Variants in CEP76 observed in about 807,000 individuals in gnomAD.
CEP76 encodes the protein centrosomal protein of 76 kDa.
CEP76 carries 55 observed loss-of-function variants against 83.3 expected under a neutral mutation model. The observed-to-expected ratio is 0.66, with a 90% confidence interval of 0.53 to 0.83. The LOEUF is 0.83. Among genes scored for constraint, CEP76 ranks in the 40% least tolerant of loss-of-function variants. CEP76 has a pLI of 0.00. For missense variants in CEP76, 694 were observed against 799.5 expected, an observed-to-expected ratio of 0.87 and a Z score of 1.59; for synonymous variants, 270 against 274.5, an observed-to-expected ratio of 0.98 and a Z score of 0.16.
At chr18:12,702,049 C>G (rs920374531) in intron 1 of CEP76, among the ~76,000 whole-genome samples, 1 of 152,180 alleles carries the variant, frequency 6.6e-6, no homozygotes, top group African/African-American at 2.4e-5. Context: ...TCGCTTAAAC[C>G]TGGGAGGCGG....
chr18:12,693,407 G>T lies in CEP76; in HGVS notation c.804+1847C>A, dbSNP rs551813350. ...CCACTGCACTCAAGCCTGAGAGAGTGAGATGCTGTCTCTAAAAAAATAAAA... is the reference window on the plus strand; with the variant it reads ...CCACTGCACTCAAGCCTGAGAGAGTTAGATGCTGTCTCTAAAAAAATAAAA... On this transcript the variant is annotated intron_variant, in intron 6 of 11. Coordinates refer to ENST00000262127, the MANE Select transcript of CEP76 (RefSeq NM_024899.4). 3.3e-5 allele frequency among the ~76,000 whole-genome samples: 5 copies of T among 151,818 alleles called. No individual in the cohort carries two copies. In the South Asian group the frequency reaches 8.3e-4, roughly 25 times the overall value.
At chr18:12,690,448 CCA>C (rs1188410749) in intron 7 of CEP76, among the ~76,000 whole-genome samples, 2 of 151,550 alleles carry the variant, frequency 1.3e-5, no homozygotes, top group Non-Finnish European at 2.9e-5. Flanking sequence ...GTGAACCTGA[CCA>C]CATTTTTTGT....
intron 8 of CEP76, among the ~76,000 whole-genome samples, chr18:12,683,117 G>A (rs760962383): frequency 8.7e-5 from 13 of 149,406 alleles, no homozygotes; most frequent in Non-Finnish European, 1.5e-4. Flanking sequence ...AGGCTGAAGC[G>A]GGCAGATCAC....
chr18:12,668,320 C>T (rs1202168508), downstream of CEP76, among the ~76,000 whole-genome samples: 2 of 151,186 alleles, frequency 1.3e-5, no homozygotes, highest in Non-Finnish European at 2.9e-5. Flanking sequence ...GGCTGGGTGC[C>T]GTCGCAGATG....
At chr18:12,693,614 C>T (rs1248823686) in intron 6 of CEP76, among the ~76,000 whole-genome samples, 1 of 152,042 alleles carries the variant, frequency 6.6e-6, no homozygotes, top group Non-Finnish European at 1.5e-5. Context: ...GAAACCCTGT[C>T]TCTATTAAAA....
chr18:12,676,959 T>G (rs1336881132), intron 10 of CEP76, among the ~76,000 whole-genome samples: 1 of 152,112 alleles, frequency 6.6e-6, no homozygotes, highest in African/African-American at 2.4e-5. Context: ...CAGAAATATT[T>G]TGTAGGCATT....
intron 6 of CEP76, among the ~76,000 whole-genome samples, chr18:12,694,909 G>A (rs2039896053): frequency 6.6e-6 from 1 of 151,480 alleles, no homozygotes. Context: ...TAGAGGCGGG[G>A]TTTCACCGTG....
chr18:12,694,871 C>T (rs1330536962), intron 6 of CEP76, among the ~76,000 whole-genome samples: 3 of 151,772 alleles, frequency 2.0e-5, no homozygotes, highest in East Asian at 1.9e-4. Context: ...CCACCACGCC[C>T]GGCTATTTTT....
At chr18:12,699,748 T>A in intron 3 of CEP76, 82 bp downstream of exon 3, 1 of 756,792 alleles carries the variant, frequency 1.3e-6, no homozygotes, top group Non-Finnish European at 2.0e-6. Context: ...AAAATGGAAA[T>A]GTCTTCTATC....
intron 5 of CEP76, among the ~76,000 whole-genome samples, chr18:12,696,461 G>A (rs2039961891): frequency 6.6e-6 from 1 of 151,920 alleles, no homozygotes; most frequent in Admixed American, 6.6e-5. Flanking sequence ...CGAGATTGCA[G>A]CACTGCACTC....
chr18:12,663,886 T>C (rs1480372704), intron 12 of CEP76, among the ~76,000 whole-genome samples: 2 of 152,176 alleles, frequency 1.3e-5, no homozygotes, highest in Non-Finnish European at 2.9e-5. Flanking sequence ...TCCTCCCAGC[T>C]GGGCACAGTG....
At chr18:12,674,494 G>C in intron 11 of CEP76, 42 bp downstream of exon 11, 1 of 1,418,520 alleles carries the variant, frequency 7.0e-7, no homozygotes. Flanking sequence ...TGATCTGTAA[G>C]ACTCCTAAAC....
chr18:12,689,702 G>C (rs1305738385), intron 7 of CEP76, among the ~76,000 whole-genome samples: 1 of 152,022 alleles, frequency 6.6e-6, no homozygotes, highest in Non-Finnish European at 1.5e-5. Flanking sequence ...GTCCTCTCTA[G>C]TTCCTAATTC....
intron 7 of CEP76, 198 bp downstream of exon 7, chr18:12,691,161 T>C (rs1166937753): frequency 2.5e-6 from 1 of 407,620 alleles, no homozygotes; most frequent in Non-Finnish European, 4.3e-6. Flanking sequence ...TAACTGAAAT[T>C]GAAAGTAAAA....
chr18:12,701,011 G>A lies in CEP76; in HGVS notation c.166C>T (p.Leu56Phe), dbSNP rs1325018110. ...TCGTCAATGATTCCTCGACGTCTAA[G>A]GGCTTTGATCAAATCTTCTGTTGAT... The part of the protein sequence containing the change: ...HLSTEDLIKA[L>F]RRRGIIDDVM... Residue 56 changes from leucine to phenylalanine, a missense_variant, in exon 2 of 12, where the codon CTT (leucine) becomes TTT (phenylalanine). By Grantham distance (22) the Leu-to-Phe change is conservative. Transcript: ENST00000262127. The A allele has an allele frequency of 6.2e-7, 1 of 1,613,884 alleles. No individual in the cohort carries two copies. Among genetic ancestry groups the A allele is most frequent in the Non-Finnish European group, 8.5e-7 (1 of 1,179,904 alleles).
chr18:12,696,822 C>G (rs1414517199), intron 5 of CEP76, among the ~76,000 whole-genome samples: 1 of 152,128 alleles, frequency 6.6e-6, no homozygotes, highest in Non-Finnish European at 1.5e-5. Flanking sequence ...AACATCTACT[C>G]TGTATTTTGC....
At chr18:12,679,193 A>C (rs2039256946) in intron 9 of CEP76, 1 of 152,202 alleles carries the variant, frequency 6.6e-6, no homozygotes, top group Non-Finnish European at 1.5e-5. Flanking sequence ...GATAAAAAAG[A>C]AGCTAAGGAA....
rs2040063248 is a variant in CEP76, at chr18:12,699,188, G to A, written c.311C>T (p.Thr104Ile). The change falls in exon 4 of 12, where the codon ACA (threonine) becomes ATA (isoleucine). Residue 104 changes from threonine (T) to isoleucine (I), a missense_variant. Coordinates refer to ENST00000262127, the MANE Select transcript of CEP76 (RefSeq NM_024899.4). ...STLKKTNIDP[T>I]RRYLYLQVLG... ...AACCTGAAGGTAAAGATACCTCCGT[G>A]TTGGATCAATATTAGCTGTAAAGTG... is the stretch of plus-strand genomic sequence containing the variant. 1.2e-6 allele frequency: 2 copies of A among 1,612,474 alleles called. No homozygotes were observed. The highest frequency in any genetic ancestry group is 4.5e-5 in the East Asian group (2 of 44,874).
intron 7 of CEP76, among the ~76,000 whole-genome samples, chr18:12,690,921 A>AAT (rs1174057803): frequency 1.3e-5 from 2 of 151,176 alleles, no homozygotes; most frequent in African/African-American, 4.8e-5. Context: ...CCTAACAAAA[A>AAT]ATATATATAT....
Sources: gnomAD v4.1 joint callset for allele counts (sites outside exome capture counted in the v4.1 genomes callset) on GRCh38, gnomAD v4.1.1 for gene constraint, MANE v1.5 for transcripts, NCBI Gene and HGNC (gene_info 2026-07-23, HGNC 2026-07-21) for gene names.